TEX10: variants seen among roughly 807,000 people sequenced by gnomAD.
TEX10 encodes testis-expressed protein 10.
A neutral mutation model predicts 104.4 loss-of-function variants in TEX10; 24 were observed. That is an observed-to-expected ratio of 0.23 (90% confidence interval 0.17 to 0.32). TEX10 has a LOEUF of 0.32. Ranked by LOEUF, TEX10 falls within the 10% of genes least tolerant of loss-of-function variation. The probability of loss-of-function intolerance (pLI) is 1.00; values close to 1 mark genes in which losing one functional copy is unlikely to be tolerated. For missense variants in TEX10, 921 were observed against 1,083.9 expected, an observed-to-expected ratio of 0.85 and a Z score of 2.11; for synonymous variants, 396 against 393.4, an observed-to-expected ratio of 1.01 and a Z score of -0.08.
chr9:100,303,449 C>G (rs199619371), intron 14 of TEX10, among the ~76,000 whole-genome samples, 183 bp downstream of exon 14: 1 of 144,104 alleles, frequency 6.9e-6, no homozygotes, highest in African/African-American at 2.6e-5. Flanking sequence ...CCCCCCCCCC[C>G]ATTAAGTCAC....
rs928373537 is a variant in TEX10 at position 100,352,902 on chromosome 9, C to T, written c.-140G>A. ...GGAGCGTGTTTTCAAATAGCCTCGT[C>T]CTCACGCGGCCGCGTCTCCTTCCGC... On this transcript the variant is annotated 5_prime_UTR_variant, in exon 1 of 15. Transcript: ENST00000374902. 3.0e-6 allele frequency: 3 copies of T among 991,504 alleles called. No homozygotes were observed. The highest frequency in any genetic ancestry group is 3.6e-6 in the Non-Finnish European group (3 of 834,526). The allele number at this position is 991,504 out of a possible 1,614,324, so 61.4% of individuals were successfully genotyped here. A position where few individuals can be genotyped will look rare whatever the true frequency, so the allele number is the denominator to read the frequency against.
chr9:100,308,505 T>C lies in TEX10; in HGVS notation c.2460A>G (p.Arg820=), dbSNP rs1482924566. 6.3e-7 allele frequency: 1 copy of C among 1,583,532 alleles called. No individual in the cohort carries two copies. Among genetic ancestry groups the C allele is most frequent in the African/African-American group, 1.4e-5 (1 of 72,866 alleles). ...TIEKGEAEHL[R]KRDKLWGVCV... ...GAAGAATAAAAAATAATTACCTCTT[T>C]CTTAGATGTTCTGCTTCCCCTTTCT... is the stretch of plus-strand genomic sequence containing the variant. Residue 820 remains arginine (R), a synonymous_variant, in exon 13 of 15, where the codon AGA becomes AGG. Transcript: ENST00000374902.
intron 9 of TEX10, among the ~76,000 whole-genome samples, chr9:100,323,766 C>A (rs1834634517): frequency 6.6e-6 from 1 of 151,994 alleles, no homozygotes; most frequent in Non-Finnish European, 1.5e-5. Flanking sequence ...AGCAAGGTAT[C>A]AGAACTACAA....
intron 6 of TEX10, 31 bp downstream of exon 6, chr9:100,329,898 ACT>A: frequency 6.7e-7 from 1 of 1,503,014 alleles, no homozygotes; most frequent in Non-Finnish European, 9.1e-7. Flanking sequence ...TAAGAGCTCC[ACT>A]CTTAAATAAG....
At chr9:100,328,566 G>A (rs1189275156) in intron 7 of TEX10, among the ~76,000 whole-genome samples, 1 of 152,190 alleles carries the variant, frequency 6.6e-6, no homozygotes, top group Non-Finnish European at 1.5e-5. Context: ...TTGAGATTAT[G>A]TAAAGTAACT....
intron 12 of TEX10, among the ~76,000 whole-genome samples, chr9:100,309,477 G>C (rs1834220173): frequency 6.6e-6 from 1 of 152,164 alleles, no homozygotes; most frequent in African/African-American, 2.4e-5. Context: ...CTAGAATAAT[G>C]AATGTAGTCA....
At chr9:100,309,026 C>G (rs1003964284) in intron 12 of TEX10, among the ~76,000 whole-genome samples, 1 of 152,116 alleles carries the variant, frequency 6.6e-6, no homozygotes, top group Non-Finnish European at 1.5e-5. Flanking sequence ...AATCTGAATA[C>G]CAACAATCAT....
intron 5 of TEX10, among the ~76,000 whole-genome samples, chr9:100,330,445 T>C (rs928946190): frequency 2.6e-5 from 4 of 152,178 alleles, no homozygotes; most frequent in Non-Finnish European, 5.9e-5. Flanking sequence ...CCTTATAATA[T>C]TGCCTGGGAA....
intron 7 of TEX10, 90 bp from the exon 8 acceptor site, chr9:100,328,052 A>G (rs1201489709): frequency 2.1e-6 from 2 of 970,730 alleles, no homozygotes; most frequent in Non-Finnish European, 2.8e-6. Context: ...TAACTTAAAT[A>G]TATCACAAAG....
chr9:100,324,095 T>C (rs5029343), intron 9 of TEX10, among the ~76,000 whole-genome samples: 90,410 of 151,872 alleles, frequency 0.6, 28,192 homozygotes, highest in East Asian at 0.89. Flanking sequence ...TGCAGCGGCA[T>C]GATCTCAGCT....
intron 8 of TEX10, 78 bp downstream of exon 8, chr9:100,327,709 G>C: frequency 8.1e-7 from 1 of 1,235,130 alleles, no homozygotes; most frequent in Admixed American, 2.6e-5. Context: ...CAAAATTACA[G>C]AGCTCCCCTT....
chr9:100,342,037 C>T (rs1412045506), intron 4 of TEX10, among the ~76,000 whole-genome samples: 3 of 152,202 alleles, frequency 2.0e-5, no homozygotes, highest in Admixed American at 2.0e-4. Flanking sequence ...TCTTCGCCCC[C>T]ATCTTCTACC....
Position 100,346,153 on chromosome 9 carries a change from A to G in TEX10, c.1056T>C (p.Pro352=). Reference sequence around the variant, plus strand: ...TAAGAACTTGCTGCATAACCTGTAGAGGTTCTCGTTCTATACCATTCCCAA... The same window carrying G: ...TAAGAACTTGCTGCATAACCTGTAGGGGTTCTCGTTCTATACCATTCCCAA... The part of the protein sequence containing the change: ...TPVGNGIERE[P]LQVMQQVLNI... The change falls in exon 4 of 15, where the codon CCT becomes CCC. Residue 352 remains proline, a synonymous_variant. Transcript: ENST00000374902. 6.2e-7 allele frequency: 1 copy of G among 1,614,050 alleles called. No individual in the cohort carries two copies. The highest frequency in any genetic ancestry group is 1.1e-5 in the South Asian group (1 of 91,080).
intron 11 of TEX10, among the ~76,000 whole-genome samples, chr9:100,314,508 T>G (rs189738150): frequency 7.9e-5 from 12 of 152,330 alleles, no homozygotes; most frequent in African/African-American, 2.6e-4. Flanking sequence ...ATTTTCCCTC[T>G]AGGTTTTCCA....
rs1835141588 is a variant in TEX10 at position 100,340,307 on chromosome 9, T to C, written c.1200A>G (p.Pro400=). The change falls in exon 5 of 15, where the codon CCA becomes CCG. Residue 400 remains proline, a synonymous_variant. Coordinates refer to ENST00000374902, the MANE Select transcript of TEX10 (RefSeq NM_017746.4). ...GCTTGGTTATTTCTTTTAAGACATA[T>C]GGAAAACGACTCATAAAATGGTGTT... ...DFKHHFMSRF[P]YVLKEITKHK... is the part of the protein sequence containing the mutation. 6.3e-6 allele frequency: 10 copies of C among 1,577,250 alleles called. No homozygotes were observed. The highest frequency in any genetic ancestry group is 6.8e-6 in the Non-Finnish European group (8 of 1,167,980).
chr9:100,318,607 A>G (rs1378450345), intron 11 of TEX10, among the ~76,000 whole-genome samples: 5 of 152,226 alleles, frequency 3.3e-5, no homozygotes, highest in Admixed American at 1.3e-4. Context: ...CTAAATTTAC[A>G]TGCACACACA....
chr9:100,317,520 GA>G (rs2118854549), intron 11 of TEX10, among the ~76,000 whole-genome samples: 1 of 152,190 alleles, frequency 6.6e-6, no homozygotes, highest in African/African-American at 2.4e-5. Flanking sequence ...TGTAGGACAT[GA>G]AACTATAAAA....
Position 100,330,016 on chromosome 9 carries a change from A to G in TEX10, c.1404T>C (p.Leu468=), listed in dbSNP as rs1834815694. 6.2e-7 allele frequency: 1 copy of G among 1,614,034 alleles called. No homozygotes were observed. The highest frequency in any genetic ancestry group is 1.3e-5 in the African/African-American group (1 of 74,936). ...EMIRKFVTET[L]EDGSRLNSKQ... ...TACTATTTAGCCTAGAGCCATCTTCAAGGGTCTCTGTTACAAATTTCCTTA... is the reference window on the plus strand; with the variant it reads ...TACTATTTAGCCTAGAGCCATCTTCGAGGGTCTCTGTTACAAATTTCCTTA... The change falls in exon 6 of 15, where the codon CTT becomes CTC. Residue 468 remains leucine (L), a synonymous_variant. Coordinates refer to ENST00000374902, the MANE Select transcript of TEX10 (RefSeq NM_017746.4).
At chr9:100,322,938 G>A (rs1487099672) in intron 9 of TEX10, among the ~76,000 whole-genome samples, 2 of 152,048 alleles carry the variant, frequency 1.3e-5, no homozygotes, top group East Asian at 3.9e-4. Context: ...TTAAGGAGGG[G>A]ACAGGCATAA....
Sources: gnomAD v4.1 joint callset for allele counts (sites outside exome capture counted in the v4.1 genomes callset) on GRCh38, gnomAD v4.1.1 for gene constraint, MANE v1.5 for transcripts, NCBI Gene and HGNC (gene_info 2026-07-23, HGNC 2026-07-21) for gene names.